AVEN: variants seen among roughly 807,000 people sequenced by gnomAD.
AVEN encodes apoptosis and caspase activation inhibitor, also known as cell death regulator Aven.
AVEN carries 41 observed loss-of-function variants against 38.1 expected under a neutral mutation model. That is an observed-to-expected ratio of 1.08 (90% confidence interval 0.84 to 1.40). AVEN has a LOEUF of 1.40. Ranked by LOEUF, AVEN falls within the 40% of genes most tolerant of loss-of-function variation. The probability of loss-of-function intolerance (pLI) is 0.00; values close to 1 mark genes in which losing one functional copy is unlikely to be tolerated. For missense variants in AVEN, 605 were observed against 438.8 expected, an observed-to-expected ratio of 1.38 and a Z score of -3.38; for synonymous variants, 206 against 171.8, an observed-to-expected ratio of 1.20 and a Z score of -1.56.
At chr15:33,961,670 G>A (rs528537665) in intron 2 of AVEN, among the ~76,000 whole-genome samples, 50 of 151,588 alleles carry the variant, frequency 3.3e-4, no homozygotes, top group South Asian at 4.2e-4. Context: ...AAAATTAGCC[G>A]GGCGTGGTGG....
chr15:33,936,214 T>C (rs1320956491), intron 2 of AVEN, among the ~76,000 whole-genome samples: 1 of 150,466 alleles, frequency 6.6e-6, no homozygotes, highest in Non-Finnish European at 1.5e-5. Flanking sequence ...AAAAGATCAG[T>C]AGTAGAAAGG....
intron 2 of AVEN, among the ~76,000 whole-genome samples, chr15:33,987,802 G>A (rs1467591000): frequency 7.2e-5 from 11 of 152,106 alleles, no homozygotes; most frequent in Non-Finnish European, 4.4e-5. Context: ...CATAATCAGC[G>A]CTGCATGCAG....
chr15:33,884,764 G>C (rs957329414), intron 2 of AVEN, among the ~76,000 whole-genome samples: 2 of 152,168 alleles, frequency 1.3e-5, no homozygotes, highest in Non-Finnish European at 2.9e-5. Context: ...TCTTTACTCA[G>C]GCAGAAGGAA....
At chr15:33,976,076 G>A (rs528144242) in intron 2 of AVEN, among the ~76,000 whole-genome samples, 1 of 152,326 alleles carries the variant, frequency 6.6e-6, no homozygotes, top group South Asian at 2.1e-4. Context: ...TTGCAAGTGA[G>A]ATGGGGCTCA....
At chr15:34,048,393 G>A (rs1314307337) in intron 5 of AVEN, among the ~76,000 whole-genome samples, 1 of 151,662 alleles carries the variant, frequency 6.6e-6, no homozygotes, top group Non-Finnish European at 1.5e-5. Context: ...GTCCTGACAA[G>A]GAAGGGTCCC....
At chr15:33,978,589 G>A (rs1895996605) in intron 2 of AVEN, among the ~76,000 whole-genome samples, 1 of 152,000 alleles carries the variant, frequency 6.6e-6, no homozygotes, top group Non-Finnish European at 1.5e-5. Flanking sequence ...CTTGAACCTG[G>A]GAGGCAGAGG....
At chr15:33,892,331 G>A (rs1474900112) in intron 2 of AVEN, among the ~76,000 whole-genome samples, 9 of 152,194 alleles carry the variant, frequency 5.9e-5, no homozygotes, top group Admixed American at 1.3e-4. Flanking sequence ...TATTGCCTAG[G>A]TTTTCTTCTA....
At chr15:33,931,404 T>C (rs1040065405) in intron 2 of AVEN, among the ~76,000 whole-genome samples, 1 of 127,860 alleles carries the variant, frequency 7.8e-6, no homozygotes, top group African/African-American at 3.1e-5. Context: ...GGAGTCTTGC[T>C]CTGTCACCCG....
At position 33,996,371 on chromosome 15, in the gene AVEN, GCCT is replaced by G. The variant is rs201726407; in HGVS notation, c.445+6658_445+6660del. Among the ~76,000 whole-genome samples, 1,141 of 152,318 alleles carry G rather than the reference GCCT, an allele frequency of 7.5e-3. 7 individuals are homozygous for G. Among genetic ancestry groups the G allele is most frequent in the Middle Eastern group, 0.027 (8 of 294 alleles). ...TTTGAGTTCTGAGAACCGACAGACTGCCTCCTCAAGTGGGTCCCTGAACCCCAT... is the reference window on the plus strand; with the variant it reads ...TTTGAGTTCTGAGAACCGACAGACTGCCTCAAGTGGGTCCCTGAACCCCAT... On this transcript the variant is annotated intron_variant, in intron 2 of 5. Coordinates refer to ENST00000306730, the MANE Select transcript of AVEN (RefSeq NM_020371.3).
At chr15:33,891,458 T>C (rs1256407429) in intron 2 of AVEN, among the ~76,000 whole-genome samples, 1 of 152,182 alleles carries the variant, frequency 6.6e-6, no homozygotes, top group East Asian at 1.9e-4. Context: ...CATTGTTCAG[T>C]TCCCACCTGT....
chr15:33,873,352 G>A (rs368437471), intron 3 of AVEN, among the ~76,000 whole-genome samples: 4 of 150,180 alleles, frequency 2.7e-5, no homozygotes, highest in East Asian at 2.0e-4. Flanking sequence ...TGCCCACCTC[G>A]GCCTCCCAAA....
intron 3 of AVEN, among the ~76,000 whole-genome samples, 162 bp from the exon 4 acceptor site, chr15:33,871,192 T>A (rs557399264): frequency 1.1e-4 from 17 of 152,328 alleles, no homozygotes; most frequent in East Asian, 9.6e-4. Context: ...CTCCACATTA[T>A]GATCAGTAAA....
exon 1 of AVEN, among the ~76,000 whole-genome samples, chr15:34,075,138 C>T (rs779842077): frequency 4.1e-5 from 6 of 146,208 alleles, no homozygotes; most frequent in East Asian, 2.0e-4. Context: ...GCCAAGATCA[C>T]GCCACTGCAC....
chr15:33,926,829 A>T (rs1893623486), intron 2 of AVEN, among the ~76,000 whole-genome samples: 2 of 152,028 alleles, frequency 1.3e-5, no homozygotes, highest in Admixed American at 1.3e-4. Flanking sequence ...TAATTTTTGA[A>T]TTTTTAGTAA....
At chr15:33,954,826 G>T (rs8038887) in intron 2 of AVEN, among the ~76,000 whole-genome samples, 38,412 of 151,958 alleles carry the variant, frequency 0.25, 6,494 homozygotes, top group African/African-American at 0.48. Context: ...TCTGCATCTA[G>T]TCCCACAAAC....
At chr15:33,948,851 T>G (rs1489760888) in intron 2 of AVEN, among the ~76,000 whole-genome samples, 1 of 152,038 alleles carries the variant, frequency 6.6e-6, no homozygotes, top group Non-Finnish European at 1.5e-5. Flanking sequence ...TTTTGTATTT[T>G]TATCGAGACA....
chr15:34,008,947 C>CGT (rs1451660209), intron 1 of AVEN, among the ~76,000 whole-genome samples: 8 of 25,690 alleles, frequency 3.1e-4, no homozygotes, highest in African/African-American at 4.0e-4. Flanking sequence ...CTCACACGTG[C>CGT]GCGCGCGCAC....
At chr15:33,869,811 G>A (rs549888398) in intron 4 of AVEN, among the ~76,000 whole-genome samples, 1 of 150,278 alleles carries the variant, frequency 6.7e-6, no homozygotes, top group African/African-American at 2.5e-5. Context: ...AAATCAGTAC[G>A]TCCCAAGGTT....
chr15:34,071,414 C>T (rs921125788), intron 1 of AVEN, among the ~76,000 whole-genome samples: 1 of 152,158 alleles, frequency 6.6e-6, no homozygotes, highest in African/African-American at 2.4e-5. Flanking sequence ...GCTGGGACTA[C>T]AGGTGCATGC....
Sources: allele counts gnomAD v4.1 joint callset (sites outside exome capture counted in the v4.1 genomes callset), GRCh38; gene constraint gnomAD v4.1.1; transcripts MANE v1.5; gene names NCBI Gene and HGNC (gene_info 2026-07-23, HGNC 2026-07-21).